Variants in ABCA7 observed in about 807,000 individuals in gnomAD.
ABCA7 encodes ATP binding cassette subfamily A member 7.
A neutral mutation model predicts 227.6 loss-of-function variants in ABCA7; 261 were observed. The observed-to-expected ratio is 1.15, with a 90% CI of 1.04 to 1.27. The LOEUF is 1.27. ABCA7 is among the 50% of genes most tolerant of loss of function. ABCA7 has a pLI of 0.00. For synonymous variants in ABCA7, 1,488 were observed against 1,279.7 expected (o/e 1.16, Z -3.47); for missense variants, 3,331 against 2,924.5 (o/e 1.14, Z -3.21).
intron 12 of ABCA7, chr19:1,045,436 C>T (rs1002992864): frequency 1.2e-5 from 7 of 602,344 alleles, no homozygotes; most frequent in Admixed American, 3.0e-5. Context: ...AGGGGCGTGG[C>T]CATGGGCCTG....
chr19:1,048,501 A>AAAAG, intron 16 of ABCA7, among the ~76,000 whole-genome samples: 6 of 123,896 alleles, frequency 4.8e-5, no homozygotes, highest in African/African-American at 1.6e-4. Context: ...AGTCTCAAAA[A>AAAAG]AAAAAAAACA....
At position 1,049,321 on chromosome 19, in the gene ABCA7, G is replaced by A. The variant is rs2041127631; in HGVS notation, c.2436G>A (p.Leu812=). 3 of 1,611,590 alleles carry A rather than the reference G, an allele frequency of 1.9e-6. No individual in the cohort carries two copies. Among genetic ancestry groups the A allele is most frequent in the East Asian group, 2.2e-5 (1 of 44,860 alleles). ...GLSPGVSVRS[L]EKRFPGSPQP... Reference sequence around the variant, plus strand: ...GTCCTGGCGTCTCCGTTCGCAGCCTGGAGAAGCGCTTTCCTGGAAGCCCGC... The same window carrying A: ...GTCCTGGCGTCTCCGTTCGCAGCCTAGAGAAGCGCTTTCCTGGAAGCCCGC... The change falls in exon 18 of 47, where the codon CTG becomes CTA. Residue 812 remains leucine (L), a synonymous_variant. Transcript: ENST00000263094.
rs773075268 is a variant in ABCA7, at chr19:1,051,184, A to T, written c.2714A>T (p.Tyr905Phe). The T allele has an allele frequency of 1.9e-6, 3 of 1,611,130 alleles. No individual in the cohort carries two copies. The highest frequency in any genetic ancestry group is 1.7e-6 in the Non-Finnish European group (2 of 1,179,922). ...ACCGTGGACGAGCACGTCTGGTTCT[A>T]TGGGCGGCTGAAGGGTCTGAGTGCC... ...MLTVDEHVWF[Y>F]GRLKGLSAAV... Residue 905 changes from tyrosine (Y) to phenylalanine (F), a missense_variant, in exon 20 of 47, where the codon TAT becomes TTT. By Grantham distance (22) the Tyr-to-Phe change is conservative. Transcript: ENST00000263094.
At chr19:1,043,570 G>T (rs1283694503) in intron 9 of ABCA7, 97 bp downstream of exon 9, 1 of 1,592,828 alleles carries the variant, frequency 6.3e-7, no homozygotes, top group East Asian at 2.2e-5. Context: ...GAGGGTCACG[G>T]AAACTATTTG....
At position 1,063,687 on chromosome 19, in the gene ABCA7, G is replaced by A; in HGVS notation, c.5847+9G>A. The A allele has an allele frequency of 6.3e-7, 1 of 1,584,950 alleles. No homozygotes were observed. The highest frequency in any genetic ancestry group is 1.1e-5 in the South Asian group (1 of 88,400). On this transcript the variant is annotated intron_variant, in intron 43 of 46. Transcript: ENST00000263094. ...CAGCCGTGGTGTTTCTGGTGCGTGG[G>A]AGCGGTGCCTGGGTGGGGTGGGGCC...
At chr19:1,062,560 C>T (rs1454784705) in intron 42 of ABCA7, among the ~76,000 whole-genome samples, 7 of 152,074 alleles carry the variant, frequency 4.6e-5, no homozygotes, top group Admixed American at 3.3e-4. Context: ...CCCTTCCTTC[C>T]GCTGCACGTT....
chr19:1,062,368 C>T, intron 42 of ABCA7, 55 bp downstream of exon 42: 1 of 1,583,418 alleles, frequency 6.3e-7, no homozygotes, highest in Non-Finnish European at 8.5e-7. Context: ...CCGACCCAGG[C>T]CGTGCCTCTA....
In ABCA7 at chr19:1,052,196, G is replaced by C; in HGVS notation, c.3148-18G>C. Reference sequence around the variant, plus strand: ...TCAGCCCTGAAGGCCAAGCCACTTGGTGCCTCTCTGCCCGCAGGCTGACAC... The same window carrying C: ...TCAGCCCTGAAGGCCAAGCCACTTGCTGCCTCTCTGCCCGCAGGCTGACAC... On this transcript the variant is annotated intron_variant, in intron 22 of 46. Transcript: ENST00000263094. The C allele has an allele frequency of 6.3e-7, 1 of 1,598,212 alleles. No individual in the cohort carries two copies. Among genetic ancestry groups the C allele is most frequent in the Non-Finnish European group, 8.5e-7 (1 of 1,173,786 alleles).
intron 24 of ABCA7, 128 bp downstream of exon 24, chr19:1,053,659 G>A: frequency 6.6e-7 from 1 of 1,511,844 alleles, no homozygotes; most frequent in Non-Finnish European, 9.0e-7. Context: ...GGCACATGAG[G>A]AGCTCTGGTG....
At chr19:1,063,047 G>C (rs1243685295) in intron 42 of ABCA7, among the ~76,000 whole-genome samples, 1 of 137,946 alleles carries the variant, frequency 7.2e-6, no homozygotes, top group Non-Finnish European at 1.6e-5. Context: ...TACTCATGCT[G>C]TCTCCACCCA....
chr19:1,043,837 T>C lies in ABCA7; in HGVS notation c.1043T>C (p.Leu348Pro). ...FMNDSSNVAMLQRLLQMQDEG... is the reference protein window; with the variant it reads ...FMNDSSNVAMPQRLLQMQDEG... ...AACGACAGTTCCAATGTGGCCATGC[T>C]GCAGGTGTGCGGGGGTGCTGGGGAG... The change falls in exon 10 of 47, where the codon CTG (leucine) becomes CCG (proline). Residue 348 changes from leucine (L) to proline (P), a missense_variant. By Grantham distance (98) the Leu-to-Pro change is moderately conservative. Transcript: ENST00000263094. 6.2e-7 allele frequency: 1 copy of C among 1,611,744 alleles called. No individual in the cohort carries two copies. Among genetic ancestry groups the C allele is most frequent in the Non-Finnish European group, 8.5e-7 (1 of 1,179,336 alleles).
At position 1,042,748 on chromosome 19, in the gene ABCA7, A is replaced by G. The variant is rs531280216; in HGVS notation, c.501A>G (p.Glu167=). The change falls in exon 7 of 47, where the codon GAA becomes GAG. Residue 167 remains glutamate, a splice_region_variant and synonymous_variant. Transcript: ENST00000263094. ...AELLTSLLRT[E]SLGLALGQAQ... is the part of the protein sequence containing the mutation. Reference sequence around the variant, plus strand: ...CCCCTTGTGGTCTTTCTCCCCAGGAATCCCTGGGGTTGGCACTGGGCCAAG... The same window carrying G: ...CCCCTTGTGGTCTTTCTCCCCAGGAGTCCCTGGGGTTGGCACTGGGCCAAG... 3.1e-4 allele frequency: 505 copies of G among 1,613,398 alleles called. 7 individuals are homozygous for G. The South Asian group carries it at 4.8e-3, about 15-fold the overall frequency.
rs1200748291 is a variant in ABCA7, at chr19:1,052,130, G to A, written c.3147+4G>A. The A allele has an allele frequency of 3.5e-5, 57 of 1,611,770 alleles. No homozygotes were observed. Among genetic ancestry groups the A allele is most frequent in the Non-Finnish European group, 4.7e-5 (55 of 1,179,650 alleles). ...GCCCCTGACCACCAATGAGAAGGTG[G>A]GGACCGGCCTTCTCCTGACCCCTGA... is the stretch of plus-strand genomic sequence containing the variant. On this transcript the variant is annotated splice_donor_region_variant and intron_variant, in intron 22 of 46. Coordinates refer to ENST00000263094, the MANE Select transcript of ABCA7 (RefSeq NM_019112.4).
rs952788455 is a variant in ABCA7, at chr19:1,045,350, A to G, written c.1445+119A>G. 4.2e-5 allele frequency: 44 copies of G among 1,059,254 alleles called. No homozygotes were observed. In the Admixed American group the frequency reaches 7.6e-4, roughly 18 times the overall value. 65.6% of individuals were successfully genotyped at this position (1,059,254 alleles called of 1,614,324 possible). ...TGATAGACAGGATCTGGGCTGTATC[A>G]ACAGTGGTATGGTAGCCAGAGCCCG... is the stretch of plus-strand genomic sequence containing the variant. On this transcript the variant is annotated intron_variant, in intron 12 of 46. Coordinates refer to ENST00000263094, the MANE Select transcript of ABCA7 (RefSeq NM_019112.4).
chr19:1,043,295 T>G, intron 8 of ABCA7, 39 bp from the exon 9 acceptor site: 1 of 1,611,848 alleles, frequency 6.2e-7, no homozygotes, highest in African/African-American at 1.3e-5. Context: ...AGTGGAACTC[T>G]GGGCAGGGGG....
chr19:1,055,418 G>A, intron 30 of ABCA7, 67 bp downstream of exon 30: 3 of 1,475,836 alleles, frequency 2.0e-6, no homozygotes, highest in Non-Finnish European at 2.7e-6. Context: ...TGGGGCTGGT[G>A]TGGTCCTGGA....
At chr19:1,044,910 C>T (rs1390876009) in intron 11 of ABCA7, 92 bp from the exon 12 acceptor site, 4 of 1,529,666 alleles carry the variant, frequency 2.6e-6, no homozygotes, top group Non-Finnish European at 3.5e-6. Context: ...GAGGGGAAAA[C>T]ATGGCCCAGC....
rs7249766 is a variant in ABCA7, at chr19:1,049,059, C to A, written c.2380+54C>A. 3 of 1,042,766 alleles carry A rather than the reference C, an allele frequency of 2.9e-6. No homozygotes were observed. The South Asian group carries it at 4.7e-5, about 16-fold the overall frequency. The allele number at this position is 1,042,766 out of a possible 1,614,324, so 64.6% of individuals were successfully genotyped here. A position where few individuals can be genotyped will look rare whatever the true frequency, so the allele number is the denominator to read the frequency against. ...TTGTCCACATATGCCCAGTTCCCCC[C>A]CAAAACGAGATTCCACAGATGCCAA... On this transcript the variant is annotated intron_variant, in intron 17 of 46. Coordinates refer to ENST00000263094, the MANE Select transcript of ABCA7 (RefSeq NM_019112.4).
At chr19:1,047,129 C>A (rs1391140284) in intron 14 of ABCA7, 28 bp from the exon 15 acceptor site, 2 of 1,581,740 alleles carry the variant, frequency 1.3e-6, no homozygotes, top group Admixed American at 1.8e-5. Flanking sequence ...CCAGGAGCTG[C>A]ACCCTAAGCT....
Sources: gnomAD v4.1 joint callset for allele counts (sites outside exome capture counted in the v4.1 genomes callset) on GRCh38, gnomAD v4.1.1 for gene constraint, MANE v1.5 for transcripts, NCBI Gene and HGNC (gene_info 2026-07-23, HGNC 2026-07-21) for gene names.